SGCZ: variants seen among roughly 807,000 people sequenced by gnomAD.
The protein encoded by SGCZ is sarcoglycan zeta.
In SGCZ, 40 loss-of-function variants were observed where a neutral mutation model predicts 41.3. The ratio of observed to expected loss-of-function variants is 0.97; its 90% CI spans 0.75 to 1.26. SGCZ has a LOEUF of 1.26. SGCZ is among the 50% of genes most tolerant of loss of function. SGCZ has a pLI of 0.00. For missense variants in SGCZ, 552 were observed against 369.8 expected (o/e 1.49, Z -4.04); for synonymous variants, 206 against 137.5 (o/e 1.50, Z -3.49).
At chr8:14,963,318 A>G (rs1563395039) in intron 1 of SGCZ, among the ~76,000 whole-genome samples, 1 of 149,230 alleles carries the variant, frequency 6.7e-6, no homozygotes, top group Non-Finnish European at 1.5e-5. Flanking sequence ...AGTGAGGTAT[A>G]AATTCATTTT....
chr8:15,017,499 A>G (rs1345412949), intron 1 of SGCZ, among the ~76,000 whole-genome samples: 1 of 152,130 alleles, frequency 6.6e-6, no homozygotes, highest in African/African-American at 2.4e-5. Flanking sequence ...AACTGATATT[A>G]GCATCACATT....
At position 14,712,310 on chromosome 8, in the gene SGCZ, C is replaced by T. The variant is rs569003962; in HGVS notation, c.40-157384G>A. ...CGCTGCCTGGTTGATGAAATGCTGT[C>T]TACTCAAGTAAACTTCGCAGAATTG... is the stretch of plus-strand genomic sequence containing the variant. On this transcript the variant is annotated intron_variant, in intron 1 of 7. Coordinates refer to ENST00000382080, the MANE Select transcript of SGCZ (RefSeq NM_139167.4). 3.3e-5 allele frequency among the ~76,000 whole-genome samples: 5 copies of T among 152,328 alleles called. 1 individual carries two copies. The South Asian group carries it at 1.0e-3, about 32-fold the overall frequency.
At chr8:15,034,683 A>G (rs2130964791) in intron 1 of SGCZ, among the ~76,000 whole-genome samples, 1 of 152,266 alleles carries the variant, frequency 6.6e-6, no homozygotes, top group Non-Finnish European at 1.5e-5. Flanking sequence ...TGAAAGTATA[A>G]AACCAAGAGA....
chr8:14,550,284 G>C (rs1253585772), intron 2 of SGCZ, among the ~76,000 whole-genome samples: 2 of 150,894 alleles, frequency 1.3e-5, no homozygotes, highest in Non-Finnish European at 3.0e-5. Flanking sequence ...TGGTTGAATT[G>C]TATACAAATA....
chr8:14,698,361 A>G (rs1809032159), intron 1 of SGCZ, among the ~76,000 whole-genome samples: 1 of 151,888 alleles, frequency 6.6e-6, no homozygotes, highest in Admixed American at 6.6e-5. Flanking sequence ...TGGTTTCTAA[A>G]GTTGCTTTAG....
At chr8:14,617,200 T>G (rs1262908283) in intron 1 of SGCZ, among the ~76,000 whole-genome samples, 1 of 152,192 alleles carries the variant, frequency 6.6e-6, no homozygotes, top group East Asian at 1.9e-4. Context: ...AAAGTAAAAG[T>G]AAGTATTAAT....
At chr8:14,472,883 G>A (rs1801252409) in intron 2 of SGCZ, among the ~76,000 whole-genome samples, 1 of 152,058 alleles carries the variant, frequency 6.6e-6, no homozygotes, top group African/African-American at 2.4e-5. Flanking sequence ...TATCCCTGAA[G>A]ACAATTTAAC....
chr8:14,108,231 A>C lies in SGCZ; in HGVS notation c.552T>G (p.Thr184=). The change falls in exon 6 of 8, where the codon ACT becomes ACG. Residue 184 remains threonine, a synonymous_variant. Coordinates refer to ENST00000382080, the MANE Select transcript of SGCZ (RefSeq NM_139167.4). ...CAGAGTGCCCAAATACGGCTCCTTCAGTGCCTGGGGGTAGCATGAATATAG... is the reference window on the plus strand; with the variant it reads ...CAGAGTGCCCAAATACGGCTCCTTCCGTGCCTGGGGGTAGCATGAATATAG... ...IGAEKLKVTG[T]EGAVFGHSVE... 6.2e-7 allele frequency: 1 copy of C among 1,614,090 alleles called. No individual in the cohort carries two copies. Among genetic ancestry groups the C allele is most frequent in the Non-Finnish European group, 8.5e-7 (1 of 1,180,000 alleles).
chr8:14,740,263 T>A (rs569378212), intron 1 of SGCZ, among the ~76,000 whole-genome samples: 5 of 152,160 alleles, frequency 3.3e-5, no homozygotes, highest in African/African-American at 1.2e-4. Context: ...ACCAAGACAG[T>A]TGGAATCCTT....
chr8:14,702,964 G>GATAGATAGATAGATAGATAGATAT (rs1554483941), intron 1 of SGCZ, among the ~76,000 whole-genome samples: 1 of 140,884 alleles, frequency 7.1e-6, no homozygotes, highest in Non-Finnish European at 1.6e-5. Flanking sequence ...TAGATAGATA[G>GATAGATAGATAGATAGATAGATAT]ATAGATAGAC....
intron 3 of SGCZ, among the ~76,000 whole-genome samples, chr8:14,280,854 T>C (rs1304780452): frequency 6.6e-6 from 1 of 151,688 alleles, no homozygotes; most frequent in Non-Finnish European, 1.5e-5. Flanking sequence ...TGGCCTACTC[T>C]CTTACATACT....
chr8:14,479,857 T>A (rs1203401104), intron 2 of SGCZ, among the ~76,000 whole-genome samples: 1 of 151,272 alleles, frequency 6.6e-6, no homozygotes, highest in Non-Finnish European at 1.5e-5. Context: ...GCAATTCTCC[T>A]GCCTCAGGCT....
At chr8:14,754,249 T>C (rs780383775) in intron 1 of SGCZ, among the ~76,000 whole-genome samples, 4 of 152,180 alleles carry the variant, frequency 2.6e-5, no homozygotes, top group Non-Finnish European at 5.9e-5. Flanking sequence ...ACCCTCATGT[T>C]CTACTATTTG....
At chr8:15,194,445 T>C (rs957841366) in intron 1 of SGCZ, among the ~76,000 whole-genome samples, 4 of 152,188 alleles carry the variant, frequency 2.6e-5, no homozygotes, top group African/African-American at 9.7e-5. Context: ...GATGCCTATG[T>C]CTTAATCCCG....
intron 1 of SGCZ, among the ~76,000 whole-genome samples, chr8:14,769,814 AAC>A (rs1431944275): frequency 6.7e-6 from 1 of 149,038 alleles, no homozygotes; most frequent in Non-Finnish European, 1.5e-5. Context: ...AAAAAAAAAA[AAC>A]CCAGCAACAA....
At chr8:14,208,664 C>G (rs1805697105) in intron 4 of SGCZ, among the ~76,000 whole-genome samples, 1 of 151,874 alleles carries the variant, frequency 6.6e-6, no homozygotes, top group South Asian at 2.1e-4. Context: ...ATGAAAACAA[C>G]TAGAAACACT....
chr8:14,380,397 T>C (rs1486750543), intron 2 of SGCZ, among the ~76,000 whole-genome samples: 1 of 152,212 alleles, frequency 6.6e-6, no homozygotes, highest in African/African-American at 2.4e-5. Context: ...CTCTGATCCA[T>C]CTGGAATTTA....
intron 5 of SGCZ, among the ~76,000 whole-genome samples, chr8:14,110,315 A>T (rs1802333833): frequency 6.6e-6 from 1 of 152,180 alleles, no homozygotes; most frequent in Admixed American, 6.6e-5. Context: ...CATGATTATG[A>T]AAATTTCCCA....
chr8:14,134,635 G>C (rs1390750200), intron 5 of SGCZ, among the ~76,000 whole-genome samples: 1 of 152,174 alleles, frequency 6.6e-6, no homozygotes, highest in Non-Finnish European at 1.5e-5. Flanking sequence ...TTTAAGCACT[G>C]TTCGCTTCTT....
Sources: gnomAD v4.1 joint callset for allele counts (sites outside exome capture counted in the v4.1 genomes callset) on GRCh38, gnomAD v4.1.1 for gene constraint, MANE v1.5 for transcripts, NCBI Gene and HGNC (gene_info 2026-07-23, HGNC 2026-07-21) for gene names.